PDZRN3: variants seen among roughly 807,000 people sequenced by gnomAD.
PDZRN3 encodes the protein PDZ domain containing ring finger 3.
PDZRN3 carries 38 observed loss-of-function variants against 85.7 expected under a neutral mutation model. That is an observed-to-expected ratio of 0.44 (90% CI 0.34 to 0.58). The LOEUF (loss-of-function observed/expected upper bound fraction) is 0.58, where lower values mean the gene tolerates loss of function less well. Ranked by LOEUF, PDZRN3 falls within the 20% of genes least tolerant of loss-of-function variation. The probability of loss-of-function intolerance (pLI) is 0.01; values close to 1 mark genes in which losing one functional copy is unlikely to be tolerated. For synonymous variants in PDZRN3, 759 were observed against 638.0 expected (o/e 1.19, Z -2.86); for missense variants, 1,629 against 1,506.4 (o/e 1.08, Z -1.35).
In PDZRN3 at chr3:73,383,671, G is replaced by A. The variant is rs756280938; in HGVS notation, c.2895C>T (p.Ser965=). 13 of 1,612,200 alleles carry A rather than the reference G, an allele frequency of 8.1e-6. No individual in the cohort carries two copies. The highest frequency in any genetic ancestry group is 1.3e-5 in the African/African-American group (1 of 74,882). Residue 965 remains serine (S), a synonymous_variant, in exon 10 of 10, where the codon AGC becomes AGT. Coordinates refer to ENST00000263666, the MANE Select transcript of PDZRN3 (RefSeq NM_015009.3). The part of the protein sequence containing the change: ...SGMTTDDDAV[S]EMKMGRYWSK... ...TCCAGTAGCGCCCCATCTTCATCTC[G>A]CTCACCGCGTCGTCGTCGGTGGTCA...
intron 3 of PDZRN3, among the ~76,000 whole-genome samples, chr3:73,447,505 C>T (rs1408151160): frequency 6.6e-6 from 1 of 152,150 alleles, no homozygotes; most frequent in East Asian, 1.9e-4. Flanking sequence ...TCACCTCCAC[C>T]CATTCTCTTT....
chr3:73,610,548 G>A (rs1296311479), intron 1 of PDZRN3, among the ~76,000 whole-genome samples: 2 of 152,136 alleles, frequency 1.3e-5, no homozygotes, highest in East Asian at 1.9e-4. Context: ...TACTTAGGAC[G>A]CTGAAAATCT....
chr3:73,551,615 G>T (rs1264423333), intron 3 of PDZRN3, among the ~76,000 whole-genome samples: 1 of 151,094 alleles, frequency 6.6e-6, no homozygotes, highest in African/African-American at 2.4e-5. Context: ...TCTGAGCCTG[G>T]GACGTCAAGG....
At chr3:73,540,746 T>C (rs1025784080) in intron 3 of PDZRN3, among the ~76,000 whole-genome samples, 2 of 152,200 alleles carry the variant, frequency 1.3e-5, no homozygotes, top group South Asian at 4.1e-4. Context: ...ACCTCTTTCC[T>C]TCATGTATTA....
At chr3:73,464,417 G>C (rs1703169684) in intron 3 of PDZRN3, among the ~76,000 whole-genome samples, 1 of 152,136 alleles carries the variant, frequency 6.6e-6, no homozygotes, top group Admixed American at 6.5e-5. Flanking sequence ...ATTTATGTAA[G>C]CTGACCTTAT....
chr3:73,440,609 A>G (rs928972490), intron 3 of PDZRN3, among the ~76,000 whole-genome samples: 4 of 152,300 alleles, frequency 2.6e-5, no homozygotes, highest in South Asian at 2.1e-4. Flanking sequence ...CATTTCCCCA[A>G]CTAGATTGGA....
chr3:73,414,131 G>A (rs1353010947), intron 3 of PDZRN3, among the ~76,000 whole-genome samples: 1 of 152,210 alleles, frequency 6.6e-6, no homozygotes, highest in African/African-American at 2.4e-5. Flanking sequence ...ATGTCTCAGA[G>A]TCAGAGAAAT....
intron 3 of PDZRN3, among the ~76,000 whole-genome samples, chr3:73,565,348 C>T (rs2106839591): frequency 6.6e-6 from 1 of 151,894 alleles, no homozygotes; most frequent in South Asian, 2.1e-4. Context: ...CAGGCTGGTA[C>T]TGAACTCCTG....
chr3:73,624,378 AG>A lies in PDZRN3; in HGVS notation c.447del (p.Leu150Ter). 1 of 1,310,308 alleles carries A rather than the reference AG, an allele frequency of 7.6e-7. No individual in the cohort carries two copies. Among genetic ancestry groups the A allele is most frequent in the South Asian group, 2.2e-5 (1 of 45,802 alleles). 81.2% of individuals were successfully genotyped at this position (1,310,308 alleles called of 1,614,324 possible). ...CCCGCGCGCTGCTCGCCGTGCGTCA[AG>A]GGTAGCCCGCAGCCCTCCTGGCAGC... ...VGRCQEGCGL[P>X]LTHGEQRAGG... On this transcript the variant is annotated frameshift_variant, in exon 1 of 10. Transcript: ENST00000263666. LOFTEE classifies it high-confidence loss of function.
intron 3 of PDZRN3, among the ~76,000 whole-genome samples, chr3:73,548,164 G>C (rs899649154): frequency 6.6e-6 from 1 of 152,102 alleles, no homozygotes; most frequent in Non-Finnish European, 1.5e-5. Flanking sequence ...TCCTCTATGG[G>C]GCTTTGATAT....
At chr3:73,511,284 A>G (rs1483510137) in intron 3 of PDZRN3, among the ~76,000 whole-genome samples, 2 of 152,156 alleles carry the variant, frequency 1.3e-5, no homozygotes, top group African/African-American at 4.8e-5. Flanking sequence ...GCTCCCGCCA[A>G]CCCAAAAACA....
intron 4 of PDZRN3, among the ~76,000 whole-genome samples, chr3:73,402,799 A>G (rs1701776690): frequency 6.6e-6 from 1 of 152,202 alleles, no homozygotes. Flanking sequence ...ATTCTCCTGT[A>G]AGAGGTGAAA....
At chr3:73,443,217 AC>A (rs1370204164) in intron 3 of PDZRN3, among the ~76,000 whole-genome samples, 4 of 151,706 alleles carry the variant, frequency 2.6e-5, no homozygotes, top group Non-Finnish European at 5.9e-5. Context: ...AACACACAAA[AC>A]CCCCCCTACC....
At chr3:73,522,331 G>C (rs1449747348) in intron 3 of PDZRN3, among the ~76,000 whole-genome samples, 1 of 152,156 alleles carries the variant, frequency 6.6e-6, no homozygotes, top group Non-Finnish European at 1.5e-5. Context: ...TTAACTTTTA[G>C]ACTTTCCAGT....
At chr3:73,545,023 A>AG (rs1701389951) in intron 3 of PDZRN3, among the ~76,000 whole-genome samples, 1 of 152,190 alleles carries the variant, frequency 6.6e-6, no homozygotes. Flanking sequence ...AAGAAATAAA[A>AG]GGAAAAAAAA....
At chr3:73,568,977 T>C (rs1047747094) in intron 3 of PDZRN3, among the ~76,000 whole-genome samples, 2 of 152,170 alleles carry the variant, frequency 1.3e-5, no homozygotes, top group African/African-American at 2.4e-5. Context: ...CTTGCTGAAA[T>C]TGTTGTTCTG....
At chr3:73,486,385 G>A (rs970475940) in intron 3 of PDZRN3, among the ~76,000 whole-genome samples, 3 of 77,526 alleles carry the variant, frequency 3.9e-5, no homozygotes, top group Non-Finnish European at 7.6e-5. Context: ...ATGGAGAAGA[G>A]CATGAGGTGG....
chr3:73,536,005 G>T (rs189551713), intron 3 of PDZRN3, among the ~76,000 whole-genome samples: 1 of 152,120 alleles, frequency 6.6e-6, no homozygotes, highest in Non-Finnish European at 1.5e-5. Flanking sequence ...ATTTAGACAG[G>T]TCCCCTTAAC....
intron 5 of PDZRN3, 78 bp downstream of exon 5, chr3:73,400,844 T>C: frequency 9.7e-7 from 1 of 1,025,646 alleles, no homozygotes; most frequent in Non-Finnish European, 1.5e-6. Flanking sequence ...TAAACTAATT[T>C]ATGCTTATAG....
Sources: gnomAD v4.1 joint callset for allele counts (sites outside exome capture counted in the v4.1 genomes callset) on GRCh38, gnomAD v4.1.1 for gene constraint, MANE v1.5 for transcripts, NCBI Gene and HGNC (gene_info 2026-07-23, HGNC 2026-07-21) for gene names.